The following MINDY4 variants were observed in gnomAD, a reference collection of about 807,000 sequenced individuals.
The protein encoded by MINDY4 is probable ubiquitin carboxyl-terminal hydrolase MINDY-4.
Under a neutral mutation model 87.0 loss-of-function variants are expected in MINDY4, and 68 were observed. That is an observed-to-expected ratio of 0.78 (90% CI 0.64 to 0.96). The LOEUF (loss-of-function observed/expected upper bound fraction) is 0.96. Among genes scored for constraint, MINDY4 ranks in the 40% least tolerant of loss-of-function variants. MINDY4 has a pLI of 0.00. For synonymous variants in MINDY4, 379 were observed against 363.2 expected, an observed-to-expected ratio of 1.04 and a Z score of -0.50; for missense variants, 919 against 928.2, an observed-to-expected ratio of 0.99 and a Z score of 0.13.
intron 7 of MINDY4, among the ~76,000 whole-genome samples, chr7:30,838,942 C>G (rs1054094585): frequency 6.6e-6 from 1 of 152,144 alleles, no homozygotes; most frequent in Non-Finnish European, 1.5e-5. Flanking sequence ...AAGGAGCTTA[C>G]AAAGATTTTG....
At chr7:30,879,046 C>A (rs1790375756) in intron 15 of MINDY4, among the ~76,000 whole-genome samples, 1 of 152,226 alleles carries the variant, frequency 6.6e-6, no homozygotes, top group African/African-American at 2.4e-5. Context: ...ACAATCATAT[C>A]ATTCCTTTTC....
At chr7:30,853,314 G>A in intron 11 of MINDY4, 80 bp from the exon 12 acceptor site, 1 of 1,215,994 alleles carries the variant, frequency 8.2e-7, no homozygotes, top group Non-Finnish European at 1.2e-6. Context: ...AGCTACTAAA[G>A]CCAGGGAGCA....
intron 5 of MINDY4, among the ~76,000 whole-genome samples, chr7:30,805,754 T>C (rs1259364714): frequency 6.6e-6 from 1 of 151,998 alleles, no homozygotes; most frequent in Non-Finnish European, 1.5e-5. Context: ...TGAGGACATG[T>C]GTGGAGAGCC....
Position 30,834,236 on chromosome 7 carries a change from T to G in MINDY4, c.1133-2422T>G, listed in dbSNP as rs992781449. 2.0e-5 allele frequency among the ~76,000 whole-genome samples: 3 copies of G among 152,354 alleles called. No homozygotes were observed. In the East Asian group the frequency reaches 5.8e-4, roughly 29 times the overall value. On this transcript the variant is annotated intron_variant, in intron 6 of 17. Coordinates refer to ENST00000265299, the MANE Select transcript of MINDY4 (RefSeq NM_032222.3). ...ACTTCTGCCTGGACATCCAGGTGTTTCCATACATCCTCTGAAATCTAGGCG... is the reference window on the plus strand; with the variant it reads ...ACTTCTGCCTGGACATCCAGGTGTTGCCATACATCCTCTGAAATCTAGGCG...
chr7:30,870,526 C>G (rs1790070378), intron 13 of MINDY4, among the ~76,000 whole-genome samples: 1 of 152,220 alleles, frequency 6.6e-6, no homozygotes, highest in South Asian at 2.1e-4. Context: ...TAGTGGTTCT[C>G]TGCAAGCTCC....
rs187964913 is a variant in MINDY4, at chr7:30,825,450, G to A, written c.1074-3229G>A. Among the ~76,000 whole-genome samples, 68 of 152,288 alleles carry A rather than the reference G, an allele frequency of 4.5e-4. 1 individual carries two copies. Among genetic ancestry groups the A allele is most frequent in the African/African-American group, 1.3e-3 (55 of 41,574 alleles). On this transcript the variant is annotated intron_variant, in intron 5 of 17. Coordinates refer to ENST00000265299, the MANE Select transcript of MINDY4 (RefSeq NM_032222.3). ...GTGGAAACATTCCCACCATCTCAGCGGGCTCATGGCCACCTGCCTACCCTC... is the reference window on the plus strand; with the variant it reads ...GTGGAAACATTCCCACCATCTCAGCAGGCTCATGGCCACCTGCCTACCCTC...
At chr7:30,781,408 T>C (rs1787005193) in intron 2 of MINDY4, 2 of 152,432 alleles carry the variant, frequency 1.3e-5, no homozygotes, top group Non-Finnish European at 2.9e-5. Context: ...CAAAACCTAC[T>C]ACTGAAGACT....
intron 12 of MINDY4, among the ~76,000 whole-genome samples, chr7:30,856,404 C>G (rs1789569850): frequency 6.6e-6 from 1 of 151,948 alleles, no homozygotes; most frequent in Non-Finnish European, 1.5e-5. Flanking sequence ...AGGGTTCTTC[C>G]CCACCCACTG....
chr7:30,814,628 A>G (rs1264386056), intron 5 of MINDY4, among the ~76,000 whole-genome samples: 3 of 152,236 alleles, frequency 2.0e-5, no homozygotes, highest in Non-Finnish European at 2.9e-5. Flanking sequence ...TGTTGCTTAG[A>G]TAAGCAATTA....
At chr7:30,855,659 C>A (rs541348462) in intron 12 of MINDY4, among the ~76,000 whole-genome samples, 144 of 152,316 alleles carry the variant, frequency 9.5e-4, no homozygotes, top group African/African-American at 3.3e-3. Flanking sequence ...TGAGATGGAG[C>A]CTCCCCCTCA....
intron 5 of MINDY4, among the ~76,000 whole-genome samples, chr7:30,793,119 T>G (rs1045339657): frequency 4.7e-4 from 69 of 147,134 alleles, no homozygotes; most frequent in Admixed American, 1.3e-3. Context: ...GGGTTTTTTT[T>G]GTTTATATTT....
chr7:30,828,620 C>T, intron 5 of MINDY4, 59 bp from the exon 6 acceptor site: 1 of 1,560,168 alleles, frequency 6.4e-7, no homozygotes. Flanking sequence ...ACAGTCTTCT[C>T]TGCCGTTTAC....
Position 30,771,443 on chromosome 7 carries a change from C to T in MINDY4, c.-51C>T, listed in dbSNP as rs1055629810. ...TACTGCGCCGGACAGACCCAGTTGC[C>T]TGGTGCTGCGGCCCGGCGTGGGCCT... is the stretch of plus-strand genomic sequence containing the variant. On this transcript the variant is annotated 5_prime_UTR_variant, in exon 1 of 18. Coordinates refer to ENST00000265299, the MANE Select transcript of MINDY4 (RefSeq NM_032222.3). 6.4e-6 allele frequency: 10 copies of T among 1,572,882 alleles called. No homozygotes were observed. The highest frequency in any genetic ancestry group is 1.3e-5 in the African/African-American group (1 of 74,332).
intron 5 of MINDY4, among the ~76,000 whole-genome samples, chr7:30,816,260 A>G (rs901962006): frequency 3.3e-5 from 5 of 150,860 alleles, no homozygotes; most frequent in Non-Finnish European, 5.9e-5. Flanking sequence ...TTGTTTTGCA[A>G]ACTGTATGCC....
chr7:30,839,029 C>T (rs1327960539), intron 7 of MINDY4, among the ~76,000 whole-genome samples, 171 bp from the exon 8 acceptor site: 1 of 152,146 alleles, frequency 6.6e-6, no homozygotes, highest in Non-Finnish European at 1.5e-5. Flanking sequence ...TCTCTTTCAT[C>T]AAATATAAGA....
intron 4 of MINDY4, chr7:30,786,199 C>T: frequency 8.2e-6 from 5 of 611,538 alleles, no homozygotes; most frequent in Non-Finnish European, 1.4e-5. Context: ...CTTTCCTGCC[C>T]TTAGCTTACC....
intron 5 of MINDY4, among the ~76,000 whole-genome samples, chr7:30,792,793 A>G (rs1011139905): frequency 4.6e-5 from 7 of 152,120 alleles, no homozygotes; most frequent in Non-Finnish European, 7.4e-5. Flanking sequence ...TAATATACTC[A>G]AAGAAAACTT....
intron 5 of MINDY4, among the ~76,000 whole-genome samples, chr7:30,828,066 C>T (rs181739997): frequency 7.9e-5 from 12 of 152,202 alleles, no homozygotes; most frequent in East Asian, 7.7e-4. Context: ...AAAGGGTCCA[C>T]CCTTAAAAGG....
At chr7:30,883,685 G>A (rs1420433884) in intron 17 of MINDY4, among the ~76,000 whole-genome samples, 1 of 152,196 alleles carries the variant, frequency 6.6e-6, no homozygotes, top group African/African-American at 2.4e-5. Flanking sequence ...TGCTCCCCTT[G>A]CCCCGGCAGG....
Sources: gnomAD v4.1 joint callset for allele counts (sites outside exome capture counted in the v4.1 genomes callset) on GRCh38, gnomAD v4.1.1 for gene constraint, MANE v1.5 for transcripts, NCBI Gene and HGNC (gene_info 2026-07-23, HGNC 2026-07-21) for gene names.